The following LMX1B variants were observed in gnomAD, a reference collection of about 807,000 sequenced individuals.
LMX1B encodes the protein LIM homeobox transcription factor 1-beta.
In LMX1B, 12 loss-of-function variants were observed where a neutral mutation model predicts 51.4. That is an observed-to-expected ratio of 0.23 (90% CI 0.15 to 0.38). The LOEUF is 0.38. Ranked by LOEUF, LMX1B falls within the 10% of genes least tolerant of loss-of-function variation. LMX1B has a pLI of 1.00. For missense variants in LMX1B, 445 were observed against 571.1 expected (o/e 0.78, Z 2.25); for synonymous variants, 237 against 235.4 (o/e 1.01, Z -0.06).
At chr9:126,666,896 C>T (rs1480196689) in intron 2 of LMX1B, among the ~76,000 whole-genome samples, 1 of 152,198 alleles carries the variant, frequency 6.6e-6, no homozygotes, top group South Asian at 2.1e-4. Flanking sequence ...GGTTTCTTCT[C>T]TCTCAGCCCT....
rs566611193 is a variant in LMX1B, at chr9:126,626,054, G to T, written c.326+10485G>T. Among the ~76,000 whole-genome samples the T allele has an allele frequency of 6.6e-6, 1 of 152,378 alleles. No individual in the cohort carries two copies. Among genetic ancestry groups the T allele is most frequent in the East Asian group, 1.9e-4 (1 of 5,180 alleles). ...GTTTTGCTCCCCTCATGGACATGGG[G>T]GTGGGGAGCTCGTGGGGTTTCAGCC... On this transcript the variant is annotated intron_variant, in intron 2 of 7. Transcript: ENST00000373474. The surrounding 1 kb of genome is among the most constrained non-coding windows in gnomAD (Gnocchi z 4.3).
At chr9:126,686,407 C>G (rs949660959) in intron 2 of LMX1B, among the ~76,000 whole-genome samples, 1 of 151,904 alleles carries the variant, frequency 6.6e-6, no homozygotes, top group African/African-American at 2.4e-5. Flanking sequence ...AACAAATAAA[C>G]CCGTAAAAAC....
At chr9:126,630,731 C>T (rs565300696) in intron 2 of LMX1B, among the ~76,000 whole-genome samples, 1 of 152,284 alleles carries the variant, frequency 6.6e-6, no homozygotes, top group South Asian at 2.1e-4. Flanking sequence ...GTGAAAGCAG[C>T]GAGATTCAGA....
At position 126,625,222 on chromosome 9, in the gene LMX1B, C is replaced by G. The variant is rs1167953367; in HGVS notation, c.326+9653C>G. On this transcript the variant is annotated intron_variant, in intron 2 of 7. Transcript: ENST00000373474. The surrounding 1 kb of genome is among the most constrained non-coding windows in gnomAD (Gnocchi z 5.3). ...GGCCCTGTAGCCCCCTGACGCTTTT[C>G]GTTTCCGAGCGCGCTTGGGCCTCAG... is the stretch of plus-strand genomic sequence containing the variant. Among the ~76,000 whole-genome samples the G allele has an allele frequency of 6.6e-6, 1 of 152,204 alleles. No individual in the cohort carries two copies. Among genetic ancestry groups the G allele is most frequent in the Non-Finnish European group, 1.5e-5 (1 of 68,034 alleles).
chr9:126,648,924 G>T (rs867904457), intron 2 of LMX1B, among the ~76,000 whole-genome samples: 1 of 152,140 alleles, frequency 6.6e-6, no homozygotes, highest in Admixed American at 6.5e-5. Flanking sequence ...AGGCCATGCC[G>T]CACGGGAAGC....
Position 126,694,933 on chromosome 9 carries a change from G to A in LMX1B, c.887-906G>A, listed in dbSNP as rs116219297. Among the ~76,000 whole-genome samples the A allele has an allele frequency of 7.9e-4, 120 of 152,010 alleles. 1 individual carries two copies. The East Asian group carries it at 0.022, about 28-fold the overall frequency. ...GCCGTATGCTCCATCCTGCCCACAC[G>A]CACATGGCATGCCCTGCTCCTCCCC... On this transcript the variant is annotated intron_variant, in intron 6 of 7. Coordinates refer to ENST00000373474, the MANE Select transcript of LMX1B (RefSeq NM_001174147.2).
At chr9:126,662,231 C>G (rs992012868) in intron 2 of LMX1B, among the ~76,000 whole-genome samples, 1 of 152,166 alleles carries the variant, frequency 6.6e-6, no homozygotes, top group Non-Finnish European at 1.5e-5. Context: ...GTGCCTTGTA[C>G]TGGGAGGCTG....
At chr9:126,635,653 G>T (rs547801638) in intron 2 of LMX1B, among the ~76,000 whole-genome samples, 1 of 152,180 alleles carries the variant, frequency 6.6e-6, no homozygotes, top group Non-Finnish European at 1.5e-5. Context: ...TCCAGCAAAC[G>T]GGGAAATGAT....
intron 2 of LMX1B, among the ~76,000 whole-genome samples, chr9:126,632,263 G>A (rs528365337): frequency 5.3e-5 from 8 of 152,258 alleles, no homozygotes; most frequent in Non-Finnish European, 8.8e-5. Context: ...CACACAAGAA[G>A]GCAGCAAGAG....
At chr9:126,624,382 G>A (rs1433096131) in intron 2 of LMX1B, among the ~76,000 whole-genome samples, 2 of 152,238 alleles carry the variant, frequency 1.3e-5, no homozygotes, top group Admixed American at 1.3e-4. Context: ...TCCTTGTTGA[G>A]CACAGCCCTC....
intron 2 of LMX1B, among the ~76,000 whole-genome samples, chr9:126,688,894 A>G (rs938793901): frequency 1.3e-5 from 2 of 152,116 alleles, no homozygotes; most frequent in Non-Finnish European, 2.9e-5. Context: ...GTCTCATGGA[A>G]CCCTGGTAGA....
rs890406937 is a variant in LMX1B, at chr9:126,695,348, G to A, written c.887-491G>A. On this transcript the variant is annotated intron_variant, in intron 6 of 7. Coordinates refer to ENST00000373474, the MANE Select transcript of LMX1B (RefSeq NM_001174147.2). The surrounding 1 kb of genome is among the most constrained non-coding windows in gnomAD (Gnocchi z 5.2). ...CTCTCTCCCTGCCTCTTGGCCCCAC[G>A]TGCTGCACCCTCACTTACCCGGCGG... 2.0e-5 allele frequency among the ~76,000 whole-genome samples: 3 copies of A among 152,236 alleles called. No individual in the cohort carries two copies. The highest frequency in any genetic ancestry group is 2.4e-5 in the African/African-American group (1 of 41,538).
chr9:126,693,881 C>T (rs1301681736), intron 6 of LMX1B, 69 bp downstream of exon 6: 1 of 762,228 alleles, frequency 1.3e-6, no homozygotes, highest in East Asian at 2.7e-5. Context: ...GGGCCTAGGC[C>T]AGGGTGAGCT....
At chr9:126,643,367 C>T (rs1835841385) in intron 2 of LMX1B, among the ~76,000 whole-genome samples, 1 of 152,118 alleles carries the variant, frequency 6.6e-6, no homozygotes, top group Admixed American at 6.5e-5. Context: ...ATGGGGATGG[C>T]ATGGTGCAGT....
intron 2 of LMX1B, among the ~76,000 whole-genome samples, chr9:126,620,433 C>G (rs1382258444): frequency 6.6e-6 from 1 of 152,206 alleles, no homozygotes; most frequent in Non-Finnish European, 1.5e-5. Context: ...ATTACACAGG[C>G]ACCTGGTGGA....
chr9:126,687,304 C>T (rs1410294330), intron 2 of LMX1B, among the ~76,000 whole-genome samples: 1 of 151,998 alleles, frequency 6.6e-6, no homozygotes, highest in East Asian at 1.9e-4. Context: ...TCTTGGCTCA[C>T]CACAATCTCC....
chr9:126,655,452 T>G (rs13289694), intron 2 of LMX1B, among the ~76,000 whole-genome samples: 65,924 of 151,932 alleles, frequency 0.43, 15,208 homozygotes, highest in African/African-American at 0.52. Flanking sequence ...AAACAGATGG[T>G]AAGGGGAGCT....
At position 126,696,738 on chromosome 9, in the gene LMX1B, A is replaced by G. The variant is rs566402427; in HGVS notation, c.*287A>G. 58 of 528,578 alleles carry G rather than the reference A, an allele frequency of 1.1e-4. 1 individual carries two copies. Among genetic ancestry groups the G allele is most frequent in the African/African-American group, 8.6e-4 (45 of 52,430 alleles). The allele number at this position is 528,578 out of a possible 1,614,324, so 32.7% of individuals were successfully genotyped here. A position where few individuals can be genotyped will look rare whatever the true frequency, so the allele number is the denominator to read the frequency against. On this transcript the variant is annotated 3_prime_UTR_variant, in exon 8 of 8. Transcript: ENST00000373474. ...GCCTCCCAGCCCCACCTCGGCCTCC[A>G]TCGCCTCCTCCCCATCTCTTTTTTG...
chr9:126,694,249 G>A (rs193040052), intron 6 of LMX1B, among the ~76,000 whole-genome samples: 2 of 146,954 alleles, frequency 1.4e-5, no homozygotes, highest in African/African-American at 2.4e-5. Flanking sequence ...TCACTGCAAG[G>A]GGGGGTATTG....
Sources: allele counts gnomAD v4.1 joint callset (sites outside exome capture counted in the v4.1 genomes callset), GRCh38; gene constraint gnomAD v4.1.1; non-coding constraint Gnocchi (gnomAD v3.1); transcripts MANE v1.5; gene names NCBI Gene and HGNC (gene_info 2026-07-23, HGNC 2026-07-21).